The following CFAP299 variants were observed in gnomAD, a reference collection of about 807,000 sequenced individuals.
The protein encoded by CFAP299 is cilia- and flagella-associated protein 299.
CFAP299 carries 21 observed loss-of-function variants against 27.0 expected under a neutral mutation model. The observed-to-expected ratio is 0.78, with a 90% CI of 0.55 to 1.12. CFAP299 has a LOEUF of 1.12. Among genes scored for constraint, CFAP299 ranks in the 50% most tolerant of loss-of-function variants. The pLI, the probability that CFAP299 is intolerant of heterozygous loss-of-function variation, is 0.00. For synonymous variants in CFAP299, 104 were observed against 98.1 expected, an observed-to-expected ratio of 1.06 and a Z score of -0.36; for missense variants, 310 against 276.6, an observed-to-expected ratio of 1.12 and a Z score of -0.86.
At chr4:80,461,439 G>A (rs1729432039) in intron 2 of CFAP299, among the ~76,000 whole-genome samples, 2 of 152,074 alleles carry the variant, frequency 1.3e-5, no homozygotes, top group East Asian at 1.9e-4. Context: ...AAAATATATT[G>A]GGGTAAAATA....
At chr4:80,911,348 T>C (rs1735464999) in intron 4 of CFAP299, among the ~76,000 whole-genome samples, 1 of 152,000 alleles carries the variant, frequency 6.6e-6, no homozygotes, top group African/African-American at 2.4e-5. Context: ...TTTGAAGATA[T>C]TATTCTGACA....
At chr4:80,366,891 G>A (rs866663130) in intron 2 of CFAP299, among the ~76,000 whole-genome samples, 17 of 152,220 alleles carry the variant, frequency 1.1e-4, no homozygotes, top group African/African-American at 4.1e-4. Flanking sequence ...GTATAAAGTA[G>A]TGTTACATGC....
intron 2 of CFAP299, among the ~76,000 whole-genome samples, chr4:80,579,575 A>G (rs1736063931): frequency 6.6e-6 from 1 of 152,126 alleles, no homozygotes; most frequent in Non-Finnish European, 1.5e-5. Context: ...GCAAAATATT[A>G]AGAGTCCCAT....
chr4:80,896,041 A>G (rs1224332130), intron 4 of CFAP299, among the ~76,000 whole-genome samples: 1 of 152,130 alleles, frequency 6.6e-6, no homozygotes, highest in Non-Finnish European at 1.5e-5. Context: ...GAACAAAAGT[A>G]AAATAAAAAT....
At chr4:80,355,308 G>A (rs1723214677) in intron 1 of CFAP299, among the ~76,000 whole-genome samples, 1 of 144,880 alleles carries the variant, frequency 6.9e-6, no homozygotes, top group Admixed American at 6.9e-5. Context: ...AAATGTGATT[G>A]TTGGTCACAT....
intron 3 of CFAP299, among the ~76,000 whole-genome samples, chr4:80,590,010 G>T (rs1736641455): frequency 6.6e-6 from 1 of 152,092 alleles, no homozygotes; most frequent in Admixed American, 6.5e-5. Flanking sequence ...TGTAATTGTA[G>T]CATTGCTCAT....
At chr4:80,334,519 A>ACC (rs981710683), upstream of CFAP299, among the ~76,000 whole-genome samples, 8 of 152,048 alleles carry the variant, frequency 5.3e-5, no homozygotes, top group African/African-American at 1.9e-4. Flanking sequence ...CTCGTGATCC[A>ACC]CCCACCTCGG....
chr4:80,630,365 A>C (rs1427686035), intron 3 of CFAP299, among the ~76,000 whole-genome samples: 1 of 152,172 alleles, frequency 6.6e-6, no homozygotes, highest in Non-Finnish European at 1.5e-5. Flanking sequence ...TCTTATCAGA[A>C]AAGTCTTACC....
At position 80,506,283 on chromosome 4, in the gene CFAP299, T is replaced by C. The variant is rs1283103873; in HGVS notation, c.243-76810T>C. ...AATCCAGGACTATTTGAAACAGATA[T>C]CTATATAAAAAGATGGCTGGATGTG... On this transcript the variant is annotated intron_variant, in intron 2 of 5. Transcript: ENST00000358105. Among the ~76,000 whole-genome samples the C allele has an allele frequency of 2.0e-5, 3 of 152,108 alleles. No individual in the cohort carries two copies. In the East Asian group the frequency reaches 5.8e-4, roughly 29 times the overall value.
At chr4:80,596,034 A>C (rs560223379) in intron 3 of CFAP299, among the ~76,000 whole-genome samples, 1 of 152,274 alleles carries the variant, frequency 6.6e-6, no homozygotes, top group African/African-American at 2.4e-5. Flanking sequence ...CAAATGAAAG[A>C]TCTTATTTTA....
At chr4:80,623,749 T>A (rs948233809) in intron 3 of CFAP299, among the ~76,000 whole-genome samples, 1 of 152,226 alleles carries the variant, frequency 6.6e-6, no homozygotes, top group East Asian at 1.9e-4. Flanking sequence ...ACCAACACAG[T>A]GTAACCCAGC....
intron 2 of CFAP299, among the ~76,000 whole-genome samples, chr4:80,581,091 A>T (rs1174676823): frequency 6.6e-6 from 1 of 151,814 alleles, no homozygotes; most frequent in Non-Finnish European, 1.5e-5. Flanking sequence ...TGTACTTGTA[A>T]AATGAATTCT....
chr4:80,955,048 A>C (rs1050003990), intron 5 of CFAP299, among the ~76,000 whole-genome samples: 1 of 149,720 alleles, frequency 6.7e-6, no homozygotes, highest in African/African-American at 2.5e-5. Context: ...ACACATGGCC[A>C]TATACAGAGT....
At chr4:80,709,958 A>G (rs1480840139) in intron 3 of CFAP299, among the ~76,000 whole-genome samples, 1 of 152,194 alleles carries the variant, frequency 6.6e-6, no homozygotes, top group African/African-American at 2.4e-5. Context: ...CTCTAGAGTA[A>G]GTTCTAAGTC....
At chr4:80,826,581 GA>G (rs1205135030) in intron 3 of CFAP299, among the ~76,000 whole-genome samples, 1 of 151,730 alleles carries the variant, frequency 6.6e-6, no homozygotes, top group Non-Finnish European at 1.5e-5. Flanking sequence ...AAATTGACAG[GA>G]TTGAAGGCAG....
intron 3 of CFAP299, among the ~76,000 whole-genome samples, chr4:80,839,745 A>G (rs1730761380): frequency 6.6e-6 from 1 of 152,066 alleles, no homozygotes; most frequent in Non-Finnish European, 1.5e-5. Context: ...AAAAAAAAAA[A>G]AGATACTCTT....
At chr4:80,519,350 G>T (rs542284509) in intron 2 of CFAP299, among the ~76,000 whole-genome samples, 1 of 152,224 alleles carries the variant, frequency 6.6e-6, no homozygotes, top group South Asian at 2.1e-4. Flanking sequence ...GGGATTACAA[G>T]CATGTGCCAC....
At chr4:80,796,958 G>A (rs1353687863) in intron 3 of CFAP299, among the ~76,000 whole-genome samples, 1 of 152,130 alleles carries the variant, frequency 6.6e-6, no homozygotes, top group Non-Finnish European at 1.5e-5. Context: ...CTGGGGAAAT[G>A]ACCACAGAAT....
chr4:80,717,285 A>T (rs1045971658), intron 3 of CFAP299, among the ~76,000 whole-genome samples: 1 of 152,028 alleles, frequency 6.6e-6, no homozygotes, highest in Non-Finnish European at 1.5e-5. Flanking sequence ...TTTGTAAGTG[A>T]GCATGTGTAA....
Sources: gnomAD v4.1 joint callset for allele counts (sites outside exome capture counted in the v4.1 genomes callset) on GRCh38, gnomAD v4.1.1 for gene constraint, MANE v1.5 for transcripts, NCBI Gene and HGNC (gene_info 2026-07-23, HGNC 2026-07-21) for gene names.